CELF6: variants seen among roughly 807,000 people sequenced by gnomAD.
The protein encoded by CELF6 is CUGBP Elav-like family member 6, also known as Bruno -like 6, RNA binding protein.
CELF6 carries 32 observed loss-of-function variants against 53.1 expected under a neutral mutation model. That is an observed-to-expected ratio of 0.60 (90% CI 0.46 to 0.81). The LOEUF is 0.81. Among genes scored for constraint, CELF6 ranks in the 30% least tolerant of loss-of-function variants. The pLI is 0.00. For missense variants in CELF6, 539 were observed against 669.5 expected (o/e 0.81, Z 2.15); for synonymous variants, 291 against 288.8 (o/e 1.01, Z -0.08).
At chr15:72,298,316 C>G (rs772848659) in intron 3 of CELF6, among the ~76,000 whole-genome samples, 1 of 152,158 alleles carries the variant, frequency 6.6e-6, no homozygotes, top group Non-Finnish European at 1.5e-5. Context: ...CAAACCCTTG[C>G]AAATTCAGGC....
Position 72,319,943 on chromosome 15 carries a change from C to A in CELF6, c.-69G>T, listed in dbSNP as rs1343933099. ...CTGTCCCGCCGTCCCCTCCCTGGACCGGTGGCGAGGGCCAGGGGGAGGGGG... is the reference window on the plus strand; with the variant it reads ...CTGTCCCGCCGTCCCCTCCCTGGACAGGTGGCGAGGGCCAGGGGGAGGGGG... On this transcript the variant is annotated 5_prime_UTR_variant, in exon 1 of 13. Transcript: ENST00000287202. This position sits in a 1 kb window ranked among gnomAD's most constrained non-coding sequence, Gnocchi z 5.0. 7.4e-7 allele frequency: 1 copy of A among 1,359,986 alleles called. No individual in the cohort carries two copies. Among genetic ancestry groups the A allele is most frequent in the Non-Finnish European group, 9.4e-7 (1 of 1,061,092 alleles). 84.2% of individuals were successfully genotyped at this position (1,359,986 alleles called of 1,614,324 possible).
chr15:72,314,289 A>G (rs975536554), intron 2 of CELF6, among the ~76,000 whole-genome samples: 1 of 152,116 alleles, frequency 6.6e-6, no homozygotes, highest in Non-Finnish European at 1.5e-5. Context: ...TTATTATATT[A>G]ACTGATCCGA....
At chr15:72,295,211 T>A (rs1301747117) in intron 3 of CELF6, among the ~76,000 whole-genome samples, 1 of 151,558 alleles carries the variant, frequency 6.6e-6, no homozygotes, top group Non-Finnish European at 1.5e-5. Flanking sequence ...GGCAAGCACC[T>A]GTAATCCCAG....
At chr15:72,304,833 T>G in intron 2 of CELF6, 39 bp from the exon 3 acceptor site, 1 of 1,608,010 alleles carries the variant, frequency 6.2e-7, no homozygotes, top group Non-Finnish European at 8.5e-7. Context: ...TCAGCGTGAC[T>G]GCCTGGTCCT....
Position 72,286,190 on chromosome 15 carries a change from A to G in CELF6, c.*181T>C, listed in dbSNP as rs2087918877. On this transcript the variant is annotated 3_prime_UTR_variant, in exon 13 of 13. Transcript: ENST00000287202. ...CCTGCGCTCTATGCTGCAGGCACAG[A>G]ACAACCCACTTGATAAAAACAATCC... The G allele has an allele frequency of 2.0e-5, 3 of 152,600 alleles. No individual in the cohort carries two copies. Among genetic ancestry groups the G allele is most frequent in the Non-Finnish European group, 4.4e-5 (3 of 68,054 alleles). The allele number at this position is 152,600 out of a possible 1,614,324, so 9.5% of individuals were successfully genotyped here. A position where few individuals can be genotyped will look rare whatever the true frequency, so the allele number is the denominator to read the frequency against.
intron 2 of CELF6, among the ~76,000 whole-genome samples, chr15:72,305,902 A>G (rs918644481): frequency 6.7e-6 from 1 of 149,020 alleles, no homozygotes; most frequent in African/African-American, 2.5e-5. Context: ...CACCCAAGCT[A>G]TAAGCCTGGA....
chr15:72,304,652 G>C, intron 3 of CELF6, 94 bp downstream of exon 3: 1 of 1,110,656 alleles, frequency 9.0e-7, no homozygotes, highest in Non-Finnish European at 1.4e-6. Context: ...ACCCAGGGAG[G>C]CTCTCATACT....
At chr15:72,318,352 T>C (rs765209965) in intron 1 of CELF6, among the ~76,000 whole-genome samples, 2 of 152,298 alleles carry the variant, frequency 1.3e-5, no homozygotes, top group Admixed American at 1.3e-4. Flanking sequence ...GCAGTCTGAT[T>C]CCAGCTCTCA....
intron 1 of CELF6, among the ~76,000 whole-genome samples, chr15:72,318,497 A>C (rs896784277): frequency 6.6e-6 from 1 of 152,110 alleles, no homozygotes; most frequent in African/African-American, 2.4e-5. Flanking sequence ...GGGGGAGGAG[A>C]TAAGAGTGTT....
At chr15:72,292,309 T>G in intron 3 of CELF6, 6 of 1,382,908 alleles carry the variant, frequency 4.3e-6, no homozygotes, top group Non-Finnish European at 5.9e-6. Context: ...TCAACCAATC[T>G]GATGGCTTTG....
In CELF6 at chr15:72,289,257, C is replaced by T. The variant is rs1156741169; in HGVS notation, c.911G>A (p.Gly304Asp). Residue 304 changes from glycine to aspartate, a missense_variant, in exon 8 of 13, where the codon GGC (glycine) becomes GAC (aspartate). By Grantham distance (94) the Gly-to-Asp change is moderately conservative. This residue lies in a region of CELF6 where 358 missense variants were observed against 412.8 expected (regional missense o/e 0.87). Transcript: ENST00000287202. This position sits in a 1 kb window ranked among gnomAD's most constrained non-coding sequence, Gnocchi z 7.6. ...AANSPPGSGPGTLPGLPAPIG... is the reference protein window; with the variant it reads ...AANSPPGSGPDTLPGLPAPIG... ...GGGCGCCGGAAGACCTGGGAGGGTG[C>T]CAGGGCCGCTGCCAGGCGGGGAGTT... is the stretch of plus-strand genomic sequence containing the variant. 1.3e-6 allele frequency: 2 copies of T among 1,583,776 alleles called. No individual in the cohort carries two copies.
chr15:72,293,243 T>G (rs1447878277), intron 3 of CELF6, among the ~76,000 whole-genome samples: 1 of 152,168 alleles, frequency 6.6e-6, no homozygotes, highest in Non-Finnish European at 1.5e-5. Context: ...ACAGTGGTCA[T>G]GAGCCTCAGG....
chr15:72,309,963 C>G (rs2088274987), intron 2 of CELF6, among the ~76,000 whole-genome samples: 1 of 152,138 alleles, frequency 6.6e-6, no homozygotes. Context: ...CTATTCCAGG[C>G]AATGGAGTGG....
chr15:72,285,717 T>C lies in CELF6; in HGVS notation c.*654A>G, dbSNP rs535426265. On this transcript the variant is annotated 3_prime_UTR_variant, in exon 13 of 13. Transcript: ENST00000287202. The stretch of plus-strand genomic sequence containing the variant: ...GGATTGTGGATTGTGGGTTCACTGC[T>C]TCCATAACGTTCTCATTACCTGCAT... 5 of 152,688 alleles carry C rather than the reference T, an allele frequency of 3.3e-5. No homozygotes were observed. The highest frequency in any genetic ancestry group is 1.2e-4 in the African/African-American group (5 of 41,580). 9.5% of individuals were successfully genotyped at this position (152,688 alleles called of 1,614,324 possible).
chr15:72,313,808 T>C, intron 2 of CELF6: 2 of 880,854 alleles, frequency 2.3e-6, no homozygotes, highest in Non-Finnish European at 2.7e-6. Flanking sequence ...CTCCTACTAA[T>C]GCTGCTGTTA....
intron 3 of CELF6, among the ~76,000 whole-genome samples, chr15:72,293,225 G>A: frequency 6.6e-6 from 1 of 152,170 alleles, no homozygotes; most frequent in East Asian, 1.9e-4. Flanking sequence ...AGGAGGATAA[G>A]CTGGATCACA....
intron 2 of CELF6, chr15:72,306,084 C>T (rs1393202419): frequency 8.1e-6 from 8 of 984,952 alleles, no homozygotes; most frequent in Non-Finnish European, 9.6e-6. Context: ...TATATCGCCC[C>T]CACATCCCCA....
At chr15:72,297,045 C>T (rs896646301) in intron 3 of CELF6, among the ~76,000 whole-genome samples, 1 of 152,016 alleles carries the variant, frequency 6.6e-6, no homozygotes, top group African/African-American at 2.4e-5. Context: ...TTATGGGGTA[C>T]AATGTGATGC....
chr15:72,292,164 G>C lies in CELF6; in HGVS notation c.395-1909C>G, dbSNP rs1377796527. On this transcript the variant is annotated intron_variant, in intron 3 of 12. Coordinates refer to ENST00000287202, the MANE Select transcript of CELF6 (RefSeq NM_052840.5). Reference sequence around the variant, plus strand: ...TGATCCTCCCCTAATACTCCCTAGAGGGGCTCCAAGGAAAGCCCTTTGAAA... The same window carrying C: ...TGATCCTCCCCTAATACTCCCTAGACGGGCTCCAAGGAAAGCCCTTTGAAA... 4.1e-6 allele frequency: 6 copies of C among 1,480,152 alleles called. No homozygotes were observed. The East Asian group carries it at 1.5e-4, about 36-fold the overall frequency. The allele number at this position is 1,480,152 out of a possible 1,614,324, so 91.7% of individuals were successfully genotyped here. A position where few individuals can be genotyped will look rare whatever the true frequency, so the allele number is the denominator to read the frequency against.
Sources: gnomAD v4.1 joint callset for allele counts (sites outside exome capture counted in the v4.1 genomes callset) on GRCh38, gnomAD v4.1.1 for gene constraint, gnomAD v4.1.1 regional missense constraint, Gnocchi (gnomAD v3.1) non-coding constraint, MANE v1.5 for transcripts, NCBI Gene and HGNC (gene_info 2026-07-23, HGNC 2026-07-21) for gene names.